The following SHISA9 variants were observed in gnomAD, a reference collection of about 807,000 sequenced individuals.
SHISA9 encodes protein shisa-9.
Under a neutral mutation model 38.0 loss-of-function variants are expected in SHISA9, and 13 were observed. The observed-to-expected ratio is 0.34, with a 90% confidence interval of 0.22 to 0.54. SHISA9 has a LOEUF of 0.54. SHISA9 is among the 20% of genes least tolerant of loss of function. The pLI, the probability that SHISA9 is intolerant of heterozygous loss-of-function variation, is 0.91. For synonymous variants in SHISA9, 275 were observed against 242.0 expected (o/e 1.14, Z -1.27); for missense variants, 538 against 575.8 (o/e 0.93, Z 0.67).
At chr16:13,435,790 A>G in the SHISA9 span, among the ~76,000 whole-genome samples, 1 of 152,192 alleles carries the variant, frequency 6.6e-6, no homozygotes, top group African/African-American at 2.4e-5. Flanking sequence ...CTCTCCCTGA[A>G]CATAGGGCTT....
At chr16:13,151,300 T>C (rs1296904005) in intron 2 of SHISA9, among the ~76,000 whole-genome samples, 1 of 151,886 alleles carries the variant, frequency 6.6e-6, no homozygotes, top group African/African-American at 2.4e-5. Context: ...AGAGATGGGG[T>C]TTCACCATGT....
Position 13,056,261 on chromosome 16 carries a change from G to A in SHISA9, c.691+139446G>A, listed in dbSNP as rs558718935. Among the ~76,000 whole-genome samples the A allele has an allele frequency of 7.9e-5, 12 of 152,362 alleles. No homozygotes were observed. The East Asian group carries it at 2.3e-3, about 29-fold the overall frequency. ...CAGCACTAAATGACAGAAGTGTGCT[G>A]GGGGTGTATACTTGAATCAAAGAGG... On this transcript the variant is annotated intron_variant, in intron 2 of 4. Transcript: ENST00000558583.
chr16:13,336,812 C>A, the SHISA9 span, among the ~76,000 whole-genome samples: 8 of 152,158 alleles, frequency 5.3e-5, no homozygotes, highest in Admixed American at 1.3e-4. Context: ...AGCTAGCTTT[C>A]CTCACCTATA....
At chr16:13,477,514 G>C in the SHISA9 span, among the ~76,000 whole-genome samples, 2 of 152,192 alleles carry the variant, frequency 1.3e-5, no homozygotes, top group Non-Finnish European at 1.5e-5. Flanking sequence ...AAGGTGGTGG[G>C]GGGAGGTGAG....
the SHISA9 span, among the ~76,000 whole-genome samples, chr16:13,435,161 A>G: frequency 2.0e-5 from 3 of 152,188 alleles, no homozygotes; most frequent in Admixed American, 2.0e-4. Flanking sequence ...TGATTTTTGT[A>G]GTAAAGCCTC....
downstream of SHISA9, among the ~76,000 whole-genome samples, chr16:13,242,264 A>G (rs1432150480): frequency 6.6e-6 from 1 of 152,208 alleles, no homozygotes; most frequent in Non-Finnish European, 1.5e-5. Flanking sequence ...TCGCATGTGA[A>G]TCAGTGGGGC....
downstream of SHISA9, among the ~76,000 whole-genome samples, chr16:13,241,111 T>A (rs1194890118): frequency 6.6e-6 from 1 of 152,210 alleles, no homozygotes; most frequent in Non-Finnish European, 1.5e-5. Context: ...CTTGGGTGTT[T>A]ACGTGCCCAT....
chr16:13,254,961 T>G, the SHISA9 span, among the ~76,000 whole-genome samples: 1 of 152,224 alleles, frequency 6.6e-6, no homozygotes. Flanking sequence ...GGAAAGTATC[T>G]GTTCCCCTCA....
the SHISA9 span, among the ~76,000 whole-genome samples, chr16:13,327,008 G>A: frequency 4.6e-5 from 7 of 152,152 alleles, no homozygotes; most frequent in South Asian, 2.1e-4. Context: ...CTTCTTTGCC[G>A]TCAATAATGT....
chr16:12,981,698 C>T (rs1270340878), intron 2 of SHISA9, among the ~76,000 whole-genome samples: 1 of 152,166 alleles, frequency 6.6e-6, no homozygotes, highest in Non-Finnish European at 1.5e-5. Context: ...GAAGTCCTAA[C>T]TGCCAGTATC....
rs1364323352 is a variant in SHISA9 at position 12,902,396 on chromosome 16, A to G, written c.332A>G (p.Lys111Arg). 1.3e-6 allele frequency: 2 copies of G among 1,551,160 alleles called. No individual in the cohort carries two copies. Among genetic ancestry groups the G allele is most frequent in the African/African-American group, 2.7e-5 (2 of 73,036 alleles). The change falls in exon 1 of 5, where the codon AAG (lysine) becomes AGG (arginine). Residue 111 changes from lysine (K) to arginine (R), a missense_variant. Physicochemically the swap from Lys to Arg is conservative, Grantham distance 26 (BLOSUM62 2). Around this residue, in one of 4 missense-constraint regions of SHISA9, gnomAD observed 88 missense variants for 109.7 expected, o/e 0.80. Transcript: ENST00000558583. ...TCGFRFCCTF[K>R]KRRLNQSTCT... ...GGCTTCCGGTTCTGCTGCACGTTTA[A>G]GAAGCGGCGACTGAACCAAAGCACC...
chr16:13,442,201 G>C, the SHISA9 span, among the ~76,000 whole-genome samples: 1 of 152,162 alleles, frequency 6.6e-6, no homozygotes, highest in African/African-American at 2.4e-5. Flanking sequence ...GCTTGTTTTG[G>C]TTTGGTAAAA....
chr16:13,338,927 A>G, the SHISA9 span, among the ~76,000 whole-genome samples: 2 of 152,206 alleles, frequency 1.3e-5, no homozygotes, highest in South Asian at 2.1e-4. Flanking sequence ...GAAAACTTTC[A>G]TCAAACTTCA....
the SHISA9 span, among the ~76,000 whole-genome samples, chr16:13,377,903 C>T: frequency 4.1e-4 from 63 of 152,166 alleles, no homozygotes; most frequent in African/African-American, 1.2e-3. Flanking sequence ...CGTGGTGGCA[C>T]GCACCTGTAG....
intron 2 of SHISA9, among the ~76,000 whole-genome samples, chr16:12,935,481 A>G (rs1001004112): frequency 2.6e-5 from 4 of 152,126 alleles, no homozygotes; most frequent in Non-Finnish European, 4.4e-5. Flanking sequence ...AATGAAGCCT[A>G]TGGAATGTCT....
chr16:13,426,167 T>C, the SHISA9 span, among the ~76,000 whole-genome samples: 5 of 152,350 alleles, frequency 3.3e-5, no homozygotes, highest in African/African-American at 1.2e-4. Context: ...TGCAACTTGC[T>C]GTAATCATAA....
chr16:13,555,266 C>G, the SHISA9 span, among the ~76,000 whole-genome samples: 8 of 151,818 alleles, frequency 5.3e-5, no homozygotes, highest in South Asian at 1.5e-3. Context: ...AATAACCTAC[C>G]TGTACAAAAC....
chr16:13,493,453 C>T, the SHISA9 span, among the ~76,000 whole-genome samples: 1 of 152,202 alleles, frequency 6.6e-6, no homozygotes, highest in Non-Finnish European at 1.5e-5. Flanking sequence ...TGAGGCAGAA[C>T]AGCGAGGTCA....
At chr16:13,454,587 G>A in the SHISA9 span, among the ~76,000 whole-genome samples, 6 of 152,104 alleles carry the variant, frequency 3.9e-5, no homozygotes, top group Admixed American at 3.3e-4. Context: ...AAATATGCCC[G>A]AAGTCACACA....
Sources: allele counts gnomAD v4.1 joint callset (sites outside exome capture counted in the v4.1 genomes callset), GRCh38; gene constraint gnomAD v4.1.1; regional missense constraint gnomAD v4.1.1; transcripts MANE v1.5; gene names NCBI Gene and HGNC (gene_info 2026-07-23, HGNC 2026-07-21).